The following NR5A2 variants were observed in gnomAD, a reference collection of about 807,000 sequenced individuals.
The protein encoded by NR5A2 is nuclear receptor subfamily 5 group A member 2, also known as CYP7A promoter-binding factor.
A neutral mutation model predicts 62.7 loss-of-function variants in NR5A2; 26 were observed. That is an observed-to-expected ratio of 0.41 (90% CI 0.30 to 0.58). NR5A2 has a LOEUF of 0.58. Among genes scored for constraint, NR5A2 ranks in the 20% least tolerant of loss-of-function variants. NR5A2 has a pLI of 0.22. For missense variants in NR5A2, 541 were observed against 669.1 expected (o/e 0.81, Z 2.11); for synonymous variants, 246 against 241.7 (o/e 1.02, Z -0.16).
chr1:200,114,152 C>T (rs891476752), intron 6 of NR5A2, among the ~76,000 whole-genome samples: 5 of 151,992 alleles, frequency 3.3e-5, no homozygotes, highest in Non-Finnish European at 5.9e-5. Context: ...CACTGCACTC[C>T]AGCCTTGGCA....
At chr1:200,111,434 G>C (rs1349841675) in intron 6 of NR5A2, 113 bp downstream of exon 6, 2 of 1,180,392 alleles carry the variant, frequency 1.7e-6, no homozygotes, top group Non-Finnish European at 2.3e-6. Context: ...GGAGAGATTG[G>C]CTGCCAATAA....
rs561173890 is a variant in NR5A2, at chr1:200,074,662, A to G, written c.1110+25844A>G. On this transcript the variant is annotated intron_variant, in intron 5 of 7. Transcript: ENST00000367362. ...TGAGGCAGGAGAATGGCGGGAACCCAGGAGGTGGAGCCTGCAGTGAGCCGA... is the reference window on the plus strand; with the variant it reads ...TGAGGCAGGAGAATGGCGGGAACCCGGGAGGTGGAGCCTGCAGTGAGCCGA... 5.0e-5 allele frequency among the ~76,000 whole-genome samples: 7 copies of G among 139,300 alleles called. No homozygotes were observed. In the East Asian group the frequency reaches 1.6e-3, roughly 33 times the overall value. The allele number at this position is 139,300 out of a possible 152,430, so 91.4% of individuals were successfully genotyped here.
chr1:200,047,297 G>A (rs1662412387), intron 4 of NR5A2, among the ~76,000 whole-genome samples: 1 of 152,152 alleles, frequency 6.6e-6, no homozygotes, highest in Non-Finnish European at 1.5e-5. Flanking sequence ...AGTAACTGGT[G>A]GTCATCTGAT....
chr1:200,036,564 C>CA (rs1480972297), intron 1 of NR5A2, among the ~76,000 whole-genome samples: 2 of 152,208 alleles, frequency 1.3e-5, no homozygotes, highest in African/African-American at 4.8e-5. Context: ...AAATCCCTTG[C>CA]AGAGCTACCT....
intron 5 of NR5A2, among the ~76,000 whole-genome samples, chr1:200,086,532 A>G (rs1328867761): frequency 3.3e-5 from 5 of 152,084 alleles, no homozygotes; most frequent in East Asian, 1.9e-4. Context: ...TGAACTGCCA[A>G]CCTCAGGTGA....
chr1:200,041,907 A>G (rs1662104544), intron 2 of NR5A2, among the ~76,000 whole-genome samples: 1 of 150,404 alleles, frequency 6.6e-6, no homozygotes, highest in Non-Finnish European at 1.5e-5. Context: ...GTAAAGTTAG[A>G]GTTTACTTTG....
chr1:200,121,011 A>T, intron 7 of NR5A2, 56 bp downstream of exon 7: 2 of 1,583,262 alleles, frequency 1.3e-6, no homozygotes, highest in Non-Finnish European at 1.7e-6. Flanking sequence ...ATGATGTTGA[A>T]GTTCAAATAT....
intron 5 of NR5A2, among the ~76,000 whole-genome samples, chr1:200,092,873 CTTTTTTTTTTTT>C (rs869028679): frequency 3.1e-5 from 2 of 64,258 alleles, no homozygotes; most frequent in African/African-American, 6.8e-5. Flanking sequence ...AAAGACAGGT[CTTTTTTTTTTTT>C]TTTTTTTTTT....
chr1:200,125,262 T>C (rs574596931), intron 7 of NR5A2, among the ~76,000 whole-genome samples: 2 of 152,376 alleles, frequency 1.3e-5, no homozygotes, highest in East Asian at 1.9e-4. Flanking sequence ...TGTTAAGTAA[T>C]AGTAGTTAAG....
intron 1 of NR5A2, among the ~76,000 whole-genome samples, chr1:200,032,862 G>A (rs1661596652): frequency 6.6e-6 from 1 of 152,200 alleles, no homozygotes; most frequent in African/African-American, 2.4e-5. Context: ...TTTCTCCAAA[G>A]TGGTAACCAC....
At chr1:200,172,168 A>G (rs1393653856) in intron 7 of NR5A2, among the ~76,000 whole-genome samples, 1 of 152,184 alleles carries the variant, frequency 6.6e-6, no homozygotes, top group African/African-American at 2.4e-5. Context: ...ATAATGCAAA[A>G]CAAATGTAGA....
At chr1:200,071,987 A>T (rs370637975) in intron 5 of NR5A2, among the ~76,000 whole-genome samples, 2 of 152,220 alleles carry the variant, frequency 1.3e-5, no homozygotes, top group African/African-American at 4.8e-5. Context: ...ATGCTGGTTC[A>T]AGCTGACAAA....
intron 5 of NR5A2, among the ~76,000 whole-genome samples, chr1:200,063,114 C>G (rs894228409): frequency 3.9e-5 from 6 of 151,916 alleles, no homozygotes; most frequent in Non-Finnish European, 8.8e-5. Context: ...ACCCCTGCCT[C>G]CCAGGTTCAA....
intron 5 of NR5A2, among the ~76,000 whole-genome samples, chr1:200,094,625 T>C (rs1321310712): frequency 2.1e-5 from 3 of 139,536 alleles, no homozygotes; most frequent in African/African-American, 8.1e-5. Flanking sequence ...CTCTGCCTCC[T>C]GGGTTCATGC....
At chr1:200,046,594 T>A (rs1055409414) in intron 4 of NR5A2, among the ~76,000 whole-genome samples, 1 of 152,218 alleles carries the variant, frequency 6.6e-6, no homozygotes, top group Non-Finnish European at 1.5e-5. Flanking sequence ...GCTAACACGC[T>A]TCTTCCGAAC....
At position 200,174,139 on chromosome 1, in the gene NR5A2, T is replaced by C. The variant is rs1327806094; in HGVS notation, c.1555T>C (p.Tyr519His). The change falls in exon 8 of 8, where the codon TAC (tyrosine) becomes CAC (histidine). Residue 519 changes from tyrosine (Y) to histidine (H), a missense_variant. Physicochemically the swap from Tyr to His is moderately conservative, Grantham distance 83 (BLOSUM62 2). Around this residue, in one of 3 missense-constraint regions of NR5A2, gnomAD observed 379 missense variants for 442.0 expected, o/e 0.86. Transcript: ENST00000367362. Reference protein sequence around the residue: ...ISMQAEEYLYYKHLNGDVPYN... With the variant: ...ISMQAEEYLYHKHLNGDVPYN... ...TATGCAGGCTGAAGAATACCTCTAC[T>C]ACAAGCACCTGAACGGGGATGTGCC... The C allele has an allele frequency of 1.2e-6, 2 of 1,613,688 alleles. No homozygotes were observed. The highest frequency in any genetic ancestry group is 1.7e-6 in the Non-Finnish European group (2 of 1,179,966).
chr1:200,114,151 C>A (rs1666098428), intron 6 of NR5A2, among the ~76,000 whole-genome samples: 1 of 151,804 alleles, frequency 6.6e-6, no homozygotes, highest in Non-Finnish European at 1.5e-5. Context: ...CCACTGCACT[C>A]CAGCCTTGGC....
At chr1:200,145,225 G>A (rs1049958105) in intron 7 of NR5A2, among the ~76,000 whole-genome samples, 9 of 152,106 alleles carry the variant, frequency 5.9e-5, no homozygotes, top group Admixed American at 1.3e-4. Flanking sequence ...CAGGAGAATC[G>A]CCTGAACCCG....
Position 200,112,161 on chromosome 1 carries a change from G to C in NR5A2, c.1230+840G>C, listed in dbSNP as rs150915371. Among the ~76,000 whole-genome samples, 490 of 152,186 alleles carry C rather than the reference G, an allele frequency of 3.2e-3. 1 individual carries two copies. The highest frequency in any genetic ancestry group is 0.012 in the African/African-American group (481 of 41,508). ...TGTGTTGCAGTGTGACCCATAAGTT[G>C]CACTGTGAAATAGGAATGGTTGGTT... On this transcript the variant is annotated intron_variant, in intron 6 of 7. Transcript: ENST00000367362.
Sources: allele counts gnomAD v4.1 joint callset (sites outside exome capture counted in the v4.1 genomes callset), GRCh38; gene constraint gnomAD v4.1.1; regional missense constraint gnomAD v4.1.1; transcripts MANE v1.5; gene names NCBI Gene and HGNC (gene_info 2026-07-23, HGNC 2026-07-21).